Variants in PTDSS1 observed in about 807,000 individuals in gnomAD.
PTDSS1 encodes PSS-1.
PTDSS1 carries 45 observed loss-of-function variants against 70.5 expected under a neutral mutation model. The ratio of observed to expected loss-of-function variants is 0.64; its 90% CI spans 0.50 to 0.82. The LOEUF is 0.82. Among genes scored for constraint, PTDSS1 ranks in the 40% least tolerant of loss-of-function variants. The pLI, the probability that PTDSS1 is intolerant of heterozygous loss-of-function variation, is 0.00. For synonymous variants in PTDSS1, 188 were observed against 203.8 expected, an observed-to-expected ratio of 0.92 and a Z score of 0.66; for missense variants, 417 against 586.1, an observed-to-expected ratio of 0.71 and a Z score of 2.98.
At chr8:96,292,478 TG>T (rs1401539458) in intron 4 of PTDSS1, among the ~76,000 whole-genome samples, 7 of 151,794 alleles carry the variant, frequency 4.6e-5, no homozygotes, top group Non-Finnish European at 7.4e-5. Context: ...TGTGGGGAGC[TG>T]GGACCAGTCT....
chr8:96,314,416 CAG>C (rs1811255576), intron 9 of PTDSS1, among the ~76,000 whole-genome samples: 1 of 98,778 alleles, frequency 1.0e-5, no homozygotes, highest in South Asian at 3.8e-4. Flanking sequence ...GGTGCAAACA[CAG>C]GGGAACAGAT....
intron 1 of PTDSS1, among the ~76,000 whole-genome samples, chr8:96,272,905 CCCTA>C (rs1184557527): frequency 6.6e-6 from 1 of 152,126 alleles, no homozygotes; most frequent in African/African-American, 2.4e-5. Flanking sequence ...TGTTGAGCCT[CCCTA>C]CCTAAGCCAG....
chr8:96,278,658 C>A (rs1012857464), intron 2 of PTDSS1, among the ~76,000 whole-genome samples: 4 of 152,168 alleles, frequency 2.6e-5, no homozygotes, highest in Admixed American at 6.5e-5. Context: ...TTTAACTATA[C>A]CACCCTATCA....
rs1326957547 is a variant in PTDSS1 at position 96,262,084 on chromosome 8, T to C, written c.44T>C (p.Val15Ala). Residue 15 changes from valine to alanine, a missense_variant, in exon 1 of 13, where the codon GTG (valine) becomes GCG (alanine). Transcript: ENST00000517309. The surrounding 1 kb of genome is among the most constrained non-coding windows in gnomAD (Gnocchi z 4.4). The stretch of plus-strand genomic sequence containing the variant: ...AGCCGGACCCTAAGCAAGGATGATG[T>C]GAACTACAAAATGCATTTCCGGATG... ...VGSRTLSKDD[V>A]NYKMHFRMIN... 6.2e-7 allele frequency: 1 copy of C among 1,613,834 alleles called. No homozygotes were observed. Among genetic ancestry groups the C allele is most frequent in the Admixed American group, 1.7e-5 (1 of 60,016 alleles).
intron 1 of PTDSS1, among the ~76,000 whole-genome samples, chr8:96,268,664 C>T (rs1236317570): frequency 6.8e-6 from 1 of 147,834 alleles, no homozygotes; most frequent in Non-Finnish European, 1.5e-5. Context: ...AAACTCAGGG[C>T]TTTCCTGATA....
chr8:96,302,391 T>G (rs1586198425), intron 6 of PTDSS1, among the ~76,000 whole-genome samples: 1 of 152,190 alleles, frequency 6.6e-6, no homozygotes, highest in East Asian at 1.9e-4. Flanking sequence ...ATGCTTCAAG[T>G]ATTGCTCCAA....
At chr8:96,264,354 A>C (rs1211469073) in intron 1 of PTDSS1, among the ~76,000 whole-genome samples, 6 of 152,232 alleles carry the variant, frequency 3.9e-5, no homozygotes, top group Non-Finnish European at 8.8e-5. Context: ...TGCTTAATAA[A>C]CATTAGTGGT....
chr8:96,317,771 T>A (rs1811315825), intron 9 of PTDSS1, among the ~76,000 whole-genome samples: 1 of 151,808 alleles, frequency 6.6e-6, no homozygotes, highest in East Asian at 1.9e-4. Context: ...AAACTTTAGG[T>A]CATTATGAAG....
At chr8:96,306,701 A>G in intron 8 of PTDSS1, 145 bp downstream of exon 8, 2 of 676,762 alleles carry the variant, frequency 3.0e-6, no homozygotes, top group South Asian at 3.7e-5. Flanking sequence ...TATGACGAAA[A>G]TGTTTTGTTC....
At position 96,334,915 on chromosome 8, in the gene PTDSS1, A is replaced by G; in HGVS notation, c.*1349A>G. ...TCACACAGCACAAAGGTTCGTTCTG[A>G]TGTTTCTTCTTCTTTAAGGAAATCT... On this transcript the variant is annotated 3_prime_UTR_variant, in exon 13 of 13. Coordinates refer to ENST00000517309, the MANE Select transcript of PTDSS1 (RefSeq NM_014754.3). The G allele has an allele frequency of 6.6e-6, 1 of 152,108 alleles. No individual in the cohort carries two copies. Among genetic ancestry groups the G allele is most frequent in the East Asian group, 1.9e-4 (1 of 5,194 alleles). 9.4% of individuals were successfully genotyped at this position (152,108 alleles called of 1,614,324 possible).
chr8:96,330,382 C>A, intron 11 of PTDSS1, 101 bp downstream of exon 11: 4 of 1,189,368 alleles, frequency 3.4e-6, no homozygotes, highest in Non-Finnish European at 4.8e-6. Context: ...GCGAGGTAAA[C>A]ACTGAGGTTG....
intron 4 of PTDSS1, among the ~76,000 whole-genome samples, chr8:96,292,924 A>G (rs1586193401): frequency 6.6e-6 from 1 of 152,172 alleles, no homozygotes; most frequent in African/African-American, 2.4e-5. Context: ...AGAGGACCCA[A>G]AAGAGGTTGG....
At chr8:96,311,041 C>T (rs549195341) in intron 9 of PTDSS1, among the ~76,000 whole-genome samples, 1 of 152,340 alleles carries the variant, frequency 6.6e-6, no homozygotes, top group Non-Finnish European at 1.5e-5. Context: ...GCTGGGATTA[C>T]AGGCTTGAGC....
At chr8:96,301,705 G>A (rs1249929687) in intron 6 of PTDSS1, among the ~76,000 whole-genome samples, 4 of 151,388 alleles carry the variant, frequency 2.6e-5, no homozygotes, top group East Asian at 3.9e-4. Context: ...TAGGAGAAAC[G>A]GGGTTTCTCT....
chr8:96,325,483 G>A (rs1270106635), intron 10 of PTDSS1, among the ~76,000 whole-genome samples: 2 of 152,068 alleles, frequency 1.3e-5, no homozygotes, highest in Non-Finnish European at 2.9e-5. Flanking sequence ...CTTTCCCCCA[G>A]CCCCCCAGGC....
chr8:96,333,427 G>GTGAC, intron 12 of PTDSS1, 30 bp from the exon 13 acceptor site: 2 of 1,577,588 alleles, frequency 1.3e-6, no homozygotes, highest in Non-Finnish European at 1.7e-6. Context: ...AGAGCCCAGG[G>GTGAC]TGACGGTGTG....
intron 10 of PTDSS1, among the ~76,000 whole-genome samples, chr8:96,324,683 A>G (rs927051657): frequency 6.6e-6 from 1 of 152,084 alleles, no homozygotes; most frequent in African/African-American, 2.4e-5. Flanking sequence ...TGCCCTCATG[A>G]CCTATCACCT....
chr8:96,313,507 A>G (rs1811241441), intron 9 of PTDSS1, among the ~76,000 whole-genome samples: 1 of 152,226 alleles, frequency 6.6e-6, no homozygotes, highest in Non-Finnish European at 1.5e-5. Context: ...CTCTGCCTCA[A>G]AAAGAGAGTA....
chr8:96,284,994 A>G (rs1355845604), intron 3 of PTDSS1, among the ~76,000 whole-genome samples: 1 of 152,256 alleles, frequency 6.6e-6, no homozygotes, highest in East Asian at 1.9e-4. Context: ...CCAGACAGAC[A>G]GGAGCCTGCC....
Sources: gnomAD v4.1 joint callset for allele counts (sites outside exome capture counted in the v4.1 genomes callset) on GRCh38, gnomAD v4.1.1 for gene constraint, Gnocchi (gnomAD v3.1) non-coding constraint, MANE v1.5 for transcripts, NCBI Gene and HGNC (gene_info 2026-07-23, HGNC 2026-07-21) for gene names.